The following PRELID2 variants were observed in gnomAD, a reference collection of about 807,000 sequenced individuals.
The protein encoded by PRELID2 is PRELI domain-containing protein 2.
PRELID2 carries 25 observed loss-of-function variants against 28.4 expected under a neutral mutation model. The ratio of observed to expected loss-of-function variants is 0.88; its 90% confidence interval spans 0.64 to 1.23. The LOEUF is 1.23. Ranked by LOEUF, PRELID2 falls within the 50% of genes most tolerant of loss-of-function variation. PRELID2 has a pLI of 0.00. For missense variants in PRELID2, 201 were observed against 214.4 expected (o/e 0.94, Z 0.39); for synonymous variants, 76 against 71.6 (o/e 1.06, Z -0.31).
At chr5:145,304,135 C>T in the PRELID2 span, among the ~76,000 whole-genome samples, 28 of 152,148 alleles carry the variant, frequency 1.8e-4, no homozygotes, top group African/African-American at 6.5e-4. Flanking sequence ...TGGCAAAATA[C>T]AGCAAAATAA....
At chr5:145,724,931 T>C (rs72811547) in intron 1 of PRELID2, among the ~76,000 whole-genome samples, 10,651 of 151,198 alleles carry the variant, frequency 0.07, 531 homozygotes, top group Non-Finnish European at 0.11. Flanking sequence ...TTTGTAGAAA[T>C]GAGGTCTCAC....
the PRELID2 span, among the ~76,000 whole-genome samples, chr5:145,297,647 G>C: frequency 2.6e-5 from 4 of 151,588 alleles, no homozygotes; most frequent in Admixed American, 6.6e-5. Flanking sequence ...GGAAATAAAG[G>C]GTATTCAATT....
chr5:145,748,911 T>C (rs1222908431), intron 1 of PRELID2, among the ~76,000 whole-genome samples: 1 of 152,156 alleles, frequency 6.6e-6, no homozygotes, highest in Non-Finnish European at 1.5e-5. Flanking sequence ...CTAGGAAAAC[T>C]GGCTAGCCAT....
At chr5:145,708,133 G>C (rs1006702937) in intron 1 of PRELID2, among the ~76,000 whole-genome samples, 2 of 152,080 alleles carry the variant, frequency 1.3e-5, no homozygotes, top group Admixed American at 6.6e-5. Context: ...TGGGGGTAGA[G>C]AGAACAGGCC....
chr5:145,608,684 T>A (rs1753545605), intron 1 of PRELID2, among the ~76,000 whole-genome samples: 1 of 152,170 alleles, frequency 6.6e-6, no homozygotes, highest in South Asian at 2.1e-4. Flanking sequence ...TTTTCTTTCA[T>A]TTCAACCTTG....
At chr5:145,321,860 G>A in the PRELID2 span, among the ~76,000 whole-genome samples, 1 of 152,176 alleles carries the variant, frequency 6.6e-6, no homozygotes, top group Admixed American at 6.5e-5. Flanking sequence ...AAGCATTGCT[G>A]TGTCCAATAA....
chr5:145,286,710 TTG>T, the PRELID2 span, among the ~76,000 whole-genome samples: 22 of 96,266 alleles, frequency 2.3e-4, no homozygotes, highest in African/African-American at 4.1e-4. Flanking sequence ...TTGTTTTTTT[TTG>T]TTTGTTTGTT....
chr5:145,333,902 T>C, the PRELID2 span, among the ~76,000 whole-genome samples: 1 of 151,664 alleles, frequency 6.6e-6, no homozygotes, highest in Non-Finnish European at 1.5e-5. Context: ...CCCAGGCCCT[T>C]GGTTTTGTAG....
chr5:145,409,603 C>A, the PRELID2 span, among the ~76,000 whole-genome samples: 27 of 151,710 alleles, frequency 1.8e-4, no homozygotes, highest in Admixed American at 1.2e-3. Context: ...GACTGTAAAG[C>A]AATAACAGTT....
chr5:145,713,991 A>G (rs1755776560), intron 1 of PRELID2, among the ~76,000 whole-genome samples: 1 of 147,614 alleles, frequency 6.8e-6, no homozygotes, highest in Non-Finnish European at 1.5e-5. Context: ...AACAAAAACT[A>G]AAAAAAAAAG....
intron 1 of PRELID2, among the ~76,000 whole-genome samples, chr5:145,824,255 G>A (rs753256223): frequency 6.6e-6 from 1 of 152,124 alleles, no homozygotes; most frequent in Non-Finnish European, 1.5e-5. Flanking sequence ...AAAATTGGCA[G>A]GAAGTCTTAT....
At chr5:145,580,758 A>G (rs1753101231) in intron 1 of PRELID2, among the ~76,000 whole-genome samples, 1 of 152,036 alleles carries the variant, frequency 6.6e-6, no homozygotes. Flanking sequence ...GTGTTCTGCA[A>G]TTGCAGAGGA....
chr5:145,714,247 T>G (rs1755783625), intron 1 of PRELID2, among the ~76,000 whole-genome samples: 1 of 152,112 alleles, frequency 6.6e-6, no homozygotes, highest in African/African-American at 2.4e-5. Flanking sequence ...TCCACTCTGT[T>G]TATGTTAGAA....
At chr5:145,582,706 T>C (rs921742365) in intron 1 of PRELID2, among the ~76,000 whole-genome samples, 3 of 152,062 alleles carry the variant, frequency 2.0e-5, no homozygotes, top group African/African-American at 7.2e-5. Context: ...AAGAAATGGA[T>C]AAATTACCAG....
intron 5 of PRELID2, among the ~76,000 whole-genome samples, chr5:145,793,154 A>G (rs1752505237): frequency 6.6e-6 from 1 of 152,018 alleles, no homozygotes; most frequent in Non-Finnish European, 1.5e-5. Context: ...ATTCCAAGTT[A>G]CCTCCCTTTA....
At chr5:145,308,813 T>A in the PRELID2 span, among the ~76,000 whole-genome samples, 2 of 152,236 alleles carry the variant, frequency 1.3e-5, no homozygotes, top group African/African-American at 4.8e-5. Flanking sequence ...AGGCACTTGT[T>A]ATTTTGACAA....
chr5:145,780,606 T>A (rs1281796819), intron 5 of PRELID2, among the ~76,000 whole-genome samples: 1 of 152,142 alleles, frequency 6.6e-6, no homozygotes, highest in Non-Finnish European at 1.5e-5. Flanking sequence ...GTTAAATAAG[T>A]TTTTTTAATT....
At chr5:145,465,323 A>G in the PRELID2 span, among the ~76,000 whole-genome samples, 1 of 152,278 alleles carries the variant, frequency 6.6e-6, no homozygotes, top group Non-Finnish European at 1.5e-5. Context: ...TGCTCATTAG[A>G]GAGTAATCAG....
chr5:145,445,525 G>A, the PRELID2 span, among the ~76,000 whole-genome samples: 2 of 151,830 alleles, frequency 1.3e-5, no homozygotes, highest in African/African-American at 4.8e-5. Context: ...ATAAACAAAT[G>A]GAATTTTATC....
Sources: allele counts gnomAD v4.1 joint callset (sites outside exome capture counted in the v4.1 genomes callset), GRCh38; gene constraint gnomAD v4.1.1; transcripts MANE v1.5; gene names NCBI Gene and HGNC (gene_info 2026-07-23, HGNC 2026-07-21).